ESRRB: variants seen among roughly 807,000 people sequenced by gnomAD.
ESRRB encodes the protein steroid hormone receptor ERR2.
ESRRB carries 16 observed loss-of-function variants against 46.0 expected under a neutral mutation model. That is an observed-to-expected ratio of 0.35 (90% CI 0.24 to 0.53). The LOEUF (loss-of-function observed/expected upper bound fraction) is 0.53. Among genes scored for constraint, ESRRB ranks in the 20% least tolerant of loss-of-function variants. The pLI is 0.93. For missense variants in ESRRB, 488 were observed against 607.4 expected (o/e 0.80, Z 2.07); for synonymous variants, 246 against 259.6 (o/e 0.95, Z 0.50).
chr14:76,499,740 T>G lies in ESRRB; in HGVS notation c.*1282T>G. ...GTCTTGGTTTGTCCAGGACGTTTCT[T>G]TATCCCAGGAAACTCCTCTACCCCA... is the stretch of plus-strand genomic sequence containing the variant. On this transcript the variant is annotated 3_prime_UTR_variant, in exon 7 of 7. Transcript: ENST00000644823. The G allele has an allele frequency of 1.2e-6, 1 of 861,364 alleles. No homozygotes were observed. Among genetic ancestry groups the G allele is most frequent in the African/African-American group, 1.6e-5 (1 of 60,890 alleles). The allele number at this position is 861,364 out of a possible 1,614,324, so 53.4% of individuals were successfully genotyped here.
At chr14:76,396,522 G>T (rs1233393788) in intron 1 of ESRRB, among the ~76,000 whole-genome samples, 1 of 152,170 alleles carries the variant, frequency 6.6e-6, no homozygotes, top group Non-Finnish European at 1.5e-5. Context: ...TAAGTTAAGG[G>T]AACCAAGTGT....
intron 1 of ESRRB, among the ~76,000 whole-genome samples, chr14:76,329,706 C>G (rs1883979423): frequency 6.6e-6 from 1 of 152,146 alleles, no homozygotes; most frequent in Non-Finnish European, 1.5e-5. Context: ...CACATGCACA[C>G]GCTGCCCTGC....
At chr14:76,357,511 A>G (rs1019879240) in intron 1 of ESRRB, among the ~76,000 whole-genome samples, 4 of 152,320 alleles carry the variant, frequency 2.6e-5, no homozygotes, top group East Asian at 1.9e-4. Context: ...ATGTATGTAT[A>G]TAAGTGTTTA....
intron 1 of ESRRB, among the ~76,000 whole-genome samples, chr14:76,377,050 C>T (rs1429589177): frequency 6.6e-6 from 1 of 152,200 alleles, no homozygotes; most frequent in Non-Finnish European, 1.5e-5. Context: ...GATGCGGGCC[C>T]AGCGCTGCGT....
rs1438608255 is a variant in ESRRB at position 76,482,477 on chromosome 14, G to T, written c.689-121G>T. 6 of 957,542 alleles carry T rather than the reference G, an allele frequency of 6.3e-6. No individual in the cohort carries two copies. The highest frequency in any genetic ancestry group is 2.9e-4 in the Middle Eastern group (1 of 3,482). The allele number at this position is 957,542 out of a possible 1,614,324, so 59.3% of individuals were successfully genotyped here. ...AGCCAGAACAGGAGGGGAGATTATAGCCGCTTTGACCTTCCTGGAGCTCTT... is the reference window on the plus strand; with the variant it reads ...AGCCAGAACAGGAGGGGAGATTATATCCGCTTTGACCTTCCTGGAGCTCTT... On this transcript the variant is annotated intron_variant, in intron 4 of 6. Transcript: ENST00000644823. The surrounding 1 kb of genome is among the most constrained non-coding windows in gnomAD (Gnocchi z 4.3).
intron 1 of ESRRB, among the ~76,000 whole-genome samples, chr14:76,431,405 C>G (rs1326655982): frequency 6.6e-6 from 1 of 152,196 alleles, no homozygotes; most frequent in Non-Finnish European, 1.5e-5. Flanking sequence ...GAGTTTCATT[C>G]AGAACTTTTG....
At chr14:76,333,446 T>TTTATATATGATATAA (rs1410608197) in intron 1 of ESRRB, among the ~76,000 whole-genome samples, 2 of 86,448 alleles carry the variant, frequency 2.3e-5, no homozygotes, top group Non-Finnish European at 4.7e-5. Context: ...ATATGATATA[T>TTTATATATGATATAA]AAGTATATCA....
intron 1 of ESRRB, among the ~76,000 whole-genome samples, chr14:76,340,181 A>C (rs1363115445): frequency 1.3e-5 from 2 of 152,168 alleles, no homozygotes; most frequent in Non-Finnish European, 2.9e-5. Context: ...CTTCCTAGAC[A>C]ACCTGGAGGG....
chr14:76,334,483 C>T (rs1016841321), intron 1 of ESRRB, among the ~76,000 whole-genome samples: 7 of 152,300 alleles, frequency 4.6e-5, no homozygotes, highest in Non-Finnish European at 8.8e-5. Flanking sequence ...AAGCACAGGG[C>T]ATCAGCTGGA....
intron 2 of ESRRB, among the ~76,000 whole-genome samples, chr14:76,440,138 A>G (rs1887859354): frequency 2.0e-5 from 3 of 152,184 alleles, no homozygotes; most frequent in Non-Finnish European, 4.4e-5. Context: ...CTTACGGGAC[A>G]TAGAAAGCGT....
intron 1 of ESRRB, among the ~76,000 whole-genome samples, chr14:76,423,239 G>A (rs772125580): frequency 1.9e-4 from 28 of 143,622 alleles, no homozygotes; most frequent in Middle Eastern, 7.5e-3. Context: ...TGCCTCCCGC[G>A]CTCAAGAAAT....
chr14:76,442,062 G>A (rs1269868833), intron 2 of ESRRB, among the ~76,000 whole-genome samples: 3 of 152,244 alleles, frequency 2.0e-5, no homozygotes, highest in Non-Finnish European at 4.4e-5. Context: ...TATGAGTTGA[G>A]ATGGTGTGGT....
intron 1 of ESRRB, among the ~76,000 whole-genome samples, chr14:76,340,295 G>A (rs75649510): frequency 0.024 from 3,600 of 152,292 alleles, 148 homozygotes; most frequent in African/African-American, 0.083. Context: ...GTCAGGAGAC[G>A]GACAGATGTG....
chr14:76,335,433 C>A (rs541491581), intron 1 of ESRRB, among the ~76,000 whole-genome samples: 1 of 152,260 alleles, frequency 6.6e-6, no homozygotes, highest in Non-Finnish European at 1.5e-5. Flanking sequence ...GCTGTAGGGG[C>A]CAGTACAATT....
intron 1 of ESRRB, among the ~76,000 whole-genome samples, chr14:76,341,363 C>T (rs763063096): frequency 4.6e-5 from 7 of 152,242 alleles, no homozygotes; most frequent in Non-Finnish European, 1.0e-4. Context: ...GATACCTCAA[C>T]ATTCACACCT....
chr14:76,494,484 T>A (rs1890347700), intron 6 of ESRRB, among the ~76,000 whole-genome samples: 2 of 151,988 alleles, frequency 1.3e-5, no homozygotes, highest in Non-Finnish European at 2.9e-5. Context: ...TTTTTGTATT[T>A]TTAGTAGAGA....
Position 76,498,655 on chromosome 14 carries a change from A to AGGGGTTGGGGGGGCCT in ESRRB, c.*202_*203insTGGGGGGGCCTGGGGT. 2.6e-6 allele frequency: 1 copy of AGGGGTTGGGGGGGCCT among 384,976 alleles called. No homozygotes were observed. Among genetic ancestry groups the AGGGGTTGGGGGGGCCT allele is most frequent in the African/African-American group, 2.9e-5 (1 of 33,902 alleles). 23.8% of individuals were successfully genotyped at this position (384,976 alleles called of 1,614,324 possible). ...GGGTGGGGGACGGGGATGGGGGGGC[A>AGGGGTTGGGGGGGCCT]GGGGTGTGGGGCTCGACTGTAACTG... On this transcript the variant is annotated 3_prime_UTR_variant, in exon 7 of 7. Coordinates refer to ENST00000644823, the MANE Select transcript of ESRRB (RefSeq NM_001379180.1).
intron 1 of ESRRB, among the ~76,000 whole-genome samples, chr14:76,358,329 AAGAAAGAAAG>A: frequency 7.1e-5 from 1 of 14,110 alleles, no homozygotes; most frequent in South Asian, 2.5e-3. Flanking sequence ...AAAAAAAAGA[AAGAAAGAAAG>A]AAAGAAAGAA....
intron 1 of ESRRB, among the ~76,000 whole-genome samples, chr14:76,400,469 G>C (rs1164479028): frequency 6.6e-6 from 1 of 152,246 alleles, no homozygotes; most frequent in African/African-American, 2.4e-5. Context: ...GTCTGTCCCT[G>C]ATTCTCAGGT....
Sources: allele counts gnomAD v4.1 joint callset (sites outside exome capture counted in the v4.1 genomes callset), GRCh38; gene constraint gnomAD v4.1.1; non-coding constraint Gnocchi (gnomAD v3.1); transcripts MANE v1.5; gene names NCBI Gene and HGNC (gene_info 2026-07-23, HGNC 2026-07-21).